Variants in MACROD2 observed in about 807,000 individuals in gnomAD.
MACROD2 encodes mono-ADP ribosylhydrolase 2.
Under a neutral mutation model 70.4 loss-of-function variants are expected in MACROD2, and 36 were observed. The observed-to-expected ratio is 0.51, with a 90% CI of 0.39 to 0.68. The LOEUF (loss-of-function observed/expected upper bound fraction) is 0.68. Ranked by LOEUF, MACROD2 falls within the 30% of genes least tolerant of loss-of-function variation. The pLI is 0.00. For missense variants in MACROD2, 496 were observed against 538.4 expected (o/e 0.92, Z 0.78); for synonymous variants, 172 against 178.8 (o/e 0.96, Z 0.30).
chr20:15,592,931 C>T (rs1227025313), intron 8 of MACROD2, among the ~76,000 whole-genome samples: 4 of 152,068 alleles, frequency 2.6e-5, no homozygotes, highest in Non-Finnish European at 4.4e-5. Context: ...TACATTGGTG[C>T]ACTTCAATCT....
chr20:14,705,873 G>T (rs1385773649), intron 5 of MACROD2, among the ~76,000 whole-genome samples: 1 of 152,014 alleles, frequency 6.6e-6, no homozygotes, highest in Non-Finnish European at 1.5e-5. Flanking sequence ...ATGGAGTCTA[G>T]ATTTTCTTTC....
chr20:14,117,866 T>TC (rs745857984), intron 3 of MACROD2, among the ~76,000 whole-genome samples: 119 of 152,212 alleles, frequency 7.8e-4, no homozygotes, highest in Non-Finnish European at 1.1e-3. Flanking sequence ...TCTCCATACT[T>TC]CCCCCACCAG....
At chr20:15,173,527 A>G (rs1019288814) in intron 5 of MACROD2, among the ~76,000 whole-genome samples, 2 of 152,190 alleles carry the variant, frequency 1.3e-5, no homozygotes, top group African/African-American at 2.4e-5. Flanking sequence ...CTAAATGTCA[A>G]TGCAAAAACC....
chr20:15,048,858 A>G (rs1361654497), intron 5 of MACROD2, among the ~76,000 whole-genome samples: 3 of 152,194 alleles, frequency 2.0e-5, no homozygotes, highest in Admixed American at 2.0e-4. Flanking sequence ...GAATAATCAT[A>G]GCAGTATTTT....
intron 8 of MACROD2, among the ~76,000 whole-genome samples, chr20:15,635,079 G>GCTCCTGA (rs1600695705): frequency 6.6e-6 from 1 of 152,136 alleles, no homozygotes; most frequent in East Asian, 1.9e-4. Flanking sequence ...TCAGAGTGAG[G>GCTCCTGA]CTCCTGACTC....
chr20:15,852,732 A>G (rs781012228), intron 8 of MACROD2, among the ~76,000 whole-genome samples: 15 of 152,246 alleles, frequency 9.9e-5, no homozygotes, highest in Non-Finnish European at 1.6e-4. Context: ...TGATATGACC[A>G]GACAAAAACA....
At chr20:15,659,905 T>A (rs2049794646) in intron 8 of MACROD2, among the ~76,000 whole-genome samples, 1 of 152,152 alleles carries the variant, frequency 6.6e-6, no homozygotes. Context: ...AGGCTCTTAC[T>A]GCAACAGTTC....
intron 5 of MACROD2, among the ~76,000 whole-genome samples, chr20:14,782,203 C>T (rs1568792544): frequency 6.6e-6 from 1 of 151,982 alleles, no homozygotes; most frequent in Admixed American, 6.6e-5. Flanking sequence ...GGATTATAGG[C>T]ATGAGCTACC....
intron 8 of MACROD2, among the ~76,000 whole-genome samples, chr20:15,796,999 G>A (rs1405212291): frequency 6.6e-6 from 1 of 152,200 alleles, no homozygotes; most frequent in Non-Finnish European, 1.5e-5. Flanking sequence ...TACGTATCAA[G>A]GTAGGAGTTT....
At chr20:14,336,294 A>G (rs2122642148) in intron 3 of MACROD2, among the ~76,000 whole-genome samples, 1 of 151,978 alleles carries the variant, frequency 6.6e-6, no homozygotes, top group Non-Finnish European at 1.5e-5. Flanking sequence ...TATTATTAAA[A>G]CCATTAGAGA....
At chr20:15,225,743 C>T (rs759370303) in intron 5 of MACROD2, among the ~76,000 whole-genome samples, 2 of 152,150 alleles carry the variant, frequency 1.3e-5, no homozygotes, top group African/African-American at 2.4e-5. Flanking sequence ...AATGAACCAT[C>T]GTTTTACTAA....
intron 3 of MACROD2, among the ~76,000 whole-genome samples, chr20:14,229,845 G>A (rs1205029127): frequency 6.6e-6 from 1 of 152,164 alleles, no homozygotes; most frequent in Non-Finnish European, 1.5e-5. Flanking sequence ...ATGGTACACA[G>A]ATATAATGGA....
At chr20:14,149,946 TCTC>T (rs2054994616) in intron 3 of MACROD2, among the ~76,000 whole-genome samples, 2 of 152,178 alleles carry the variant, frequency 1.3e-5, no homozygotes, top group Non-Finnish European at 2.9e-5. Flanking sequence ...ACTGTGGTCT[TCTC>T]CTTACATTGT....
At chr20:14,319,934 C>G (rs1001645662) in intron 3 of MACROD2, among the ~76,000 whole-genome samples, 1 of 152,112 alleles carries the variant, frequency 6.6e-6, no homozygotes, top group Non-Finnish European at 1.5e-5. Context: ...GATGTGGTTT[C>G]CCTTCCTGAT....
At chr20:14,087,925 T>G (rs1039655354) in intron 3 of MACROD2, among the ~76,000 whole-genome samples, 3 of 152,096 alleles carry the variant, frequency 2.0e-5, no homozygotes, top group Non-Finnish European at 4.4e-5. Flanking sequence ...TATACACATA[T>G]AATCTTTTAT....
intron 8 of MACROD2, among the ~76,000 whole-genome samples, chr20:15,524,959 G>A (rs1410582406): frequency 6.6e-6 from 1 of 152,134 alleles, no homozygotes; most frequent in Admixed American, 6.5e-5. Context: ...TTAGGCTCTG[G>A]CAGCCCAGGC....
chr20:15,669,189 G>A (rs183919910), intron 8 of MACROD2, among the ~76,000 whole-genome samples: 41 of 152,260 alleles, frequency 2.7e-4, no homozygotes, highest in Admixed American at 2.4e-3. Flanking sequence ...CATTGTACAC[G>A]GGTGCAATGA....
At chr20:14,154,142 T>C (rs2055060809) in intron 3 of MACROD2, among the ~76,000 whole-genome samples, 1 of 152,232 alleles carries the variant, frequency 6.6e-6, no homozygotes, top group Non-Finnish European at 1.5e-5. Context: ...AATGGCTTTT[T>C]TTCATTCCTC....
chr20:15,165,543 T>C (rs958195259), intron 5 of MACROD2, among the ~76,000 whole-genome samples: 1 of 152,244 alleles, frequency 6.6e-6, no homozygotes, highest in African/African-American at 2.4e-5. Flanking sequence ...AATTTACCAA[T>C]TGTGACTTAG....
Sources: allele counts gnomAD v4.1 joint callset (sites outside exome capture counted in the v4.1 genomes callset), GRCh38; gene constraint gnomAD v4.1.1; transcripts MANE v1.5; gene names NCBI Gene and HGNC (gene_info 2026-07-23, HGNC 2026-07-21).